Variants in CTBP2 observed in about 807,000 individuals in gnomAD.
CTBP2 encodes the protein C-terminal binding protein 2, also known as C-terminal-binding protein 2.
A neutral mutation model predicts 80.3 loss-of-function variants in CTBP2; 30 were observed. That is an observed-to-expected ratio of 0.37 (90% CI 0.28 to 0.51). CTBP2 has a LOEUF of 0.51. CTBP2 is among the 20% of genes least tolerant of loss of function. CTBP2 has a pLI of 0.93. For missense variants in CTBP2, 1,212 were observed against 1,375.3 expected, an observed-to-expected ratio of 0.88 and a Z score of 1.88; for synonymous variants, 594 against 587.4, an observed-to-expected ratio of 1.01 and a Z score of -0.16.
In CTBP2 at chr10:125,056,181, ATAATAATAATAATAG is replaced by A. The variant is rs1472930202; in HGVS notation, c.-101-17041_-101-17027del. On this transcript the variant is annotated intron_variant, in intron 2 of 10. Coordinates refer to the CTBP2 transcript ENST00000337195. The stretch of plus-strand genomic sequence containing the variant: ...TTGTGTCTCAAAAATAAAAATAATA[ATAATAATAATAATAG>A]TAATAATAATAATAATAACTAATAA... 3.6e-3 allele frequency among the ~76,000 whole-genome samples: 543 copies of A among 149,878 alleles called. 4 individuals are homozygous for A. The highest frequency in any genetic ancestry group is 0.013 in the African/African-American group (516 of 40,974).
intron 1 of CTBP2, among the ~76,000 whole-genome samples, chr10:125,010,534 G>T (rs556109329): frequency 1.3e-5 from 2 of 152,306 alleles, no homozygotes; most frequent in South Asian, 2.1e-4. Context: ...CAATGCAAAT[G>T]CGCAACCCTT....
intron 6 of CTBP2, 33 bp from the exon 9 acceptor site, chr10:124,993,362 GA>G (rs776098104): frequency 4.4e-6 from 7 of 1,594,942 alleles, no homozygotes; most frequent in Non-Finnish European, 6.0e-6. Context: ...GAGTAAGCGG[GA>G]AATGTCGCAT....
upstream of CTBP2, chr10:125,161,152 C>T (rs979417061): frequency 6.6e-6 from 1 of 151,914 alleles, no homozygotes; most frequent in Non-Finnish European, 1.5e-5. Context: ...TTCAGATACT[C>T]CTCACTACAA....
intron 1 of CTBP2, among the ~76,000 whole-genome samples, chr10:125,159,416 CCCGCCCGCGCCCG>C (rs1281605052): frequency 3.4e-5 from 5 of 145,210 alleles, no homozygotes; most frequent in South Asian, 2.1e-4. Flanking sequence ...CCGCCCGGCC[CCCGCCCGCGCCCG>C]CCGCCCGGCC....
chr10:125,159,922 G>A (rs1861648155), intron 1 of CTBP2: 2 of 153,106 alleles, frequency 1.3e-5, no homozygotes, highest in South Asian at 1.8e-4. Flanking sequence ...CGCCGCCGCC[G>A]CCGCTGCCCT....
At position 125,002,382 on chromosome 10, in the gene CTBP2, GCCC is replaced by G. The variant is rs1954650071; in HGVS notation, c.1978+575_1978+577del. ...CATGGGGCCGATAAGCAGCTTTGAA[GCCC>G]CCAACTCTGGGTTCCCGCCTGCTGC... On this transcript the variant is annotated intron_variant, in intron 3 of 8. Transcript: ENST00000309035. 2.0e-5 allele frequency among the ~76,000 whole-genome samples: 3 copies of G among 152,236 alleles called. No individual in the cohort carries two copies. The South Asian group carries it at 6.2e-4, about 31-fold the overall frequency.
Position 125,114,508 on chromosome 10 carries a change from C to T in CTBP2, c.-205-3415G>A, listed in dbSNP as rs556262219. 1.2e-3 allele frequency among the ~76,000 whole-genome samples: 189 copies of T among 152,182 alleles called. 1 individual carries two copies. The highest frequency in any genetic ancestry group is 4.1e-3 in the African/African-American group (172 of 41,508). On this transcript the variant is annotated intron_variant, in intron 1 of 10. Coordinates refer to the CTBP2 transcript ENST00000337195. ...CACAACTGAGGCTGCAGTACCTAGACAGGACCCCCTACCCCACCGCCACTG... is the reference window on the plus strand; with the variant it reads ...CACAACTGAGGCTGCAGTACCTAGATAGGACCCCCTACCCCACCGCCACTG...
chr10:125,022,038 C>G (rs781480093), intron 1 of CTBP2, among the ~76,000 whole-genome samples: 11 of 152,222 alleles, frequency 7.2e-5, no homozygotes, highest in Non-Finnish European at 1.5e-4. Flanking sequence ...AGAGACGCCA[C>G]AGGGAGTCTC....
chr10:125,079,858 G>A (rs998627135), intron 2 of CTBP2, among the ~76,000 whole-genome samples: 1 of 152,166 alleles, frequency 6.6e-6, no homozygotes, highest in Admixed American at 6.5e-5. Context: ...CCTCTCTCCT[G>A]TGATGAAAAC....
Position 125,108,981 on chromosome 10 carries a change from C to T in CTBP2, c.-102+2009G>A, listed in dbSNP as rs117125682. Among the ~76,000 whole-genome samples the T allele has an allele frequency of 4.1e-4, 63 of 152,368 alleles. 2 individuals are homozygous for T. The highest frequency in any genetic ancestry group is 3.5e-3 in the East Asian group (18 of 5,194). On this transcript the variant is annotated intron_variant, in intron 2 of 10. Transcript: ENST00000337195. ...TCAGGAAACATTTGTTAACAGGAAG[C>T]GTGTCACAATTTCATTCTGGTTCTG...
intron 1 of CTBP2, among the ~76,000 whole-genome samples, chr10:125,157,819 G>C (rs904879015): frequency 6.6e-6 from 1 of 152,188 alleles, no homozygotes; most frequent in Admixed American, 6.5e-5. Context: ...AGCATATTTT[G>C]CAAGAAAGAG....
chr10:125,085,581 G>A (rs912579562), intron 2 of CTBP2, among the ~76,000 whole-genome samples: 3 of 152,328 alleles, frequency 2.0e-5, no homozygotes, highest in South Asian at 2.1e-4. Flanking sequence ...AAACGAGGGC[G>A]AAGAACCTCC....
At chr10:125,089,417 C>T (rs765098442) in intron 2 of CTBP2, among the ~76,000 whole-genome samples, 18 of 152,184 alleles carry the variant, frequency 1.2e-4, no homozygotes, top group Admixed American at 2.0e-4. Context: ...TCCGAAGTCA[C>T]GGTGTGGCTC....
rs1182840840 is a variant in CTBP2, at chr10:124,997,911, C to T, written c.2185+53G>A. ...TGCCTTTCCCGAGGGGTCCCCACTA[C>T]ACCAGCCCCAGTGTCGGAGGGGTTG... On this transcript the variant is annotated intron_variant, in intron 4 of 8. Transcript: ENST00000309035. 7.0e-6 allele frequency: 11 copies of T among 1,565,724 alleles called. No homozygotes were observed. In the East Asian group the frequency reaches 1.3e-4, roughly 19 times the overall value.
chr10:125,023,490 C>T (rs917570311), intron 1 of CTBP2, among the ~76,000 whole-genome samples: 5 of 152,232 alleles, frequency 3.3e-5, no homozygotes, highest in Non-Finnish European at 4.4e-5. Context: ...TCGCAGCCAC[C>T]GCCGGAGGGC....
intron 1 of CTBP2, among the ~76,000 whole-genome samples, chr10:125,122,274 T>C (rs539646048): frequency 5.3e-5 from 8 of 152,356 alleles, no homozygotes; most frequent in African/African-American, 9.6e-5. Context: ...TTCATGAGGG[T>C]AGCAATTCAC....
chr10:125,020,035 A>C (rs1463828108), intron 1 of CTBP2, among the ~76,000 whole-genome samples: 1 of 152,224 alleles, frequency 6.6e-6, no homozygotes, highest in African/African-American at 2.4e-5. Context: ...GTAGAGTTAA[A>C]GCAAAATAGC....
chr10:125,012,432 C>T (rs1218009602), intron 1 of CTBP2, among the ~76,000 whole-genome samples: 2 of 152,168 alleles, frequency 1.3e-5, no homozygotes, highest in African/African-American at 4.8e-5. Context: ...GGACACACAT[C>T]GTCTGAGTCC....
At chr10:125,136,200 G>A (rs1405244327) in intron 1 of CTBP2, among the ~76,000 whole-genome samples, 1 of 152,166 alleles carries the variant, frequency 6.6e-6, no homozygotes, top group African/African-American at 2.4e-5. Flanking sequence ...CCAGGCAGGG[G>A]GCGGCCTCCT....
Sources: allele counts gnomAD v4.1 joint callset (sites outside exome capture counted in the v4.1 genomes callset), GRCh38; gene constraint gnomAD v4.1.1; transcripts MANE v1.5; gene names NCBI Gene and HGNC (gene_info 2026-07-23, HGNC 2026-07-21).